Variants in ZDHHC21 observed in about 807,000 individuals in gnomAD.
ZDHHC21 encodes the protein palmitoyltransferase ZDHHC21.
In ZDHHC21, 15 loss-of-function variants were observed where a neutral mutation model predicts 34.6. The ratio of observed to expected loss-of-function variants is 0.43; its 90% CI spans 0.29 to 0.67. The LOEUF (loss-of-function observed/expected upper bound fraction) is 0.67. ZDHHC21 is among the 30% of genes least tolerant of loss of function. The probability of loss-of-function intolerance (pLI) is 0.14; values close to 1 mark genes in which losing one functional copy is unlikely to be tolerated. For synonymous variants in ZDHHC21, 142 were observed against 101.8 expected, an observed-to-expected ratio of 1.40 and a Z score of -2.38; for missense variants, 344 against 327.7, an observed-to-expected ratio of 1.05 and a Z score of -0.38.
chr9:14,616,839 G>C lies in ZDHHC21; in HGVS notation c.*2127C>G, dbSNP rs1363094873. The C allele has an allele frequency of 6.6e-6, 1 of 151,748 alleles. No individual in the cohort carries two copies. Among genetic ancestry groups the C allele is most frequent in the African/African-American group, 2.4e-5 (1 of 41,374 alleles). The allele number at this position is 151,748 out of a possible 1,614,324, so 9.4% of individuals were successfully genotyped here. ...TAGTCCAATAATTTAGGGGAACTGA[G>C]TACAGAGGGATCAGGACCAGGAAAG... On this transcript the variant is annotated 3_prime_UTR_variant, in exon 10 of 10. Transcript: ENST00000380916.
intron 8 of ZDHHC21, among the ~76,000 whole-genome samples, chr9:14,637,710 A>G (rs1828556144): frequency 6.6e-6 from 1 of 152,016 alleles, no homozygotes; most frequent in Non-Finnish European, 1.5e-5. Flanking sequence ...GCATACAAAA[A>G]TCAGTAAATC....
At chr9:14,603,103 A>G in the ZDHHC21 span, among the ~76,000 whole-genome samples, 1 of 152,078 alleles carries the variant, frequency 6.6e-6, no homozygotes, top group African/African-American at 2.4e-5. Context: ...AATATTCCAT[A>G]TTTTGAATAT....
chr9:14,653,884 C>A (rs901963408), intron 7 of ZDHHC21, among the ~76,000 whole-genome samples: 1 of 151,908 alleles, frequency 6.6e-6, no homozygotes, highest in African/African-American at 2.4e-5. Context: ...CTATTAAAAG[C>A]CAGATAAAAT....
intron 5 of ZDHHC21, among the ~76,000 whole-genome samples, chr9:14,665,960 C>A (rs1834355804): frequency 6.7e-6 from 1 of 149,320 alleles, no homozygotes; most frequent in South Asian, 2.2e-4. Flanking sequence ...AAATCACCAG[C>A]TATCATCATA....
intron 8 of ZDHHC21, among the ~76,000 whole-genome samples, chr9:14,629,129 C>A (rs559970814): frequency 1.4e-4 from 22 of 152,268 alleles, no homozygotes; most frequent in Non-Finnish European, 2.4e-4. Context: ...TCTTTCTTAA[C>A]AATTCTTTTT....
chr9:14,653,841 G>A (rs1018984151), intron 7 of ZDHHC21, among the ~76,000 whole-genome samples: 1 of 151,986 alleles, frequency 6.6e-6, no homozygotes, highest in Non-Finnish European at 1.5e-5. Context: ...TGAGGAAACA[G>A]TTCGTATGAG....
At chr9:14,643,917 C>G (rs1387829485) in intron 7 of ZDHHC21, among the ~76,000 whole-genome samples, 1 of 152,164 alleles carries the variant, frequency 6.6e-6, no homozygotes, top group Non-Finnish European at 1.5e-5. Flanking sequence ...TAATAAGTCT[C>G]AATACCTGGT....
rs145112815 is a variant in ZDHHC21, at chr9:14,640,690, A to C, written c.505-678T>G. Among the ~76,000 whole-genome samples the C allele has an allele frequency of 1.8e-3, 279 of 152,270 alleles. 5 individuals are homozygous for C. The highest frequency in any genetic ancestry group is 6.3e-3 in the African/African-American group (261 of 41,564). On this transcript the variant is annotated intron_variant, in intron 7 of 9. Coordinates refer to ENST00000380916, the MANE Select transcript of ZDHHC21 (RefSeq NM_178566.6). ...TTAGAAAGAGAGCTCAACTTTGGAA[A>C]ATTCCAAAACAATGTGATACATTTT...
At chr9:14,681,229 CTTT>C (rs781315880) in intron 2 of ZDHHC21, among the ~76,000 whole-genome samples, 8 of 152,030 alleles carry the variant, frequency 5.3e-5, no homozygotes, top group Non-Finnish European at 8.8e-5. Flanking sequence ...CTATTTTACT[CTTT>C]TTTATTTTTT....
chr9:14,611,326 G>A lies in ZDHHC21; in HGVS notation c.*7640C>T, dbSNP rs1214444258. 6.6e-6 allele frequency: 1 copy of A among 151,806 alleles called. No homozygotes were observed. The highest frequency in any genetic ancestry group is 1.9e-4 in the East Asian group (1 of 5,180). The allele number at this position is 151,806 out of a possible 1,614,324, so 9.4% of individuals were successfully genotyped here. A position where few individuals can be genotyped will look rare whatever the true frequency, so the allele number is the denominator to read the frequency against. ...TAAACAAATACATCTCAGCTACATGGTTCCCACTTGTCATTTCACCCATTT... is the reference window on the plus strand; with the variant it reads ...TAAACAAATACATCTCAGCTACATGATTCCCACTTGTCATTTCACCCATTT... On this transcript the variant is annotated 3_prime_UTR_variant, in exon 10 of 10. Transcript: ENST00000380916.
At chr9:14,692,712 G>A (rs1455439635) in intron 1 of ZDHHC21, among the ~76,000 whole-genome samples, 1 of 152,138 alleles carries the variant, frequency 6.6e-6, no homozygotes, top group Non-Finnish European at 1.5e-5. Flanking sequence ...ATCAAGAGGA[G>A]AGGAGTGAGA....
the ZDHHC21 span, among the ~76,000 whole-genome samples, chr9:14,593,352 A>G: frequency 6.6e-6 from 1 of 152,234 alleles, no homozygotes; most frequent in Non-Finnish European, 1.5e-5. Context: ...ATTTTAAGGG[A>G]CTATTATGAA....
At position 14,613,340 on chromosome 9, in the gene ZDHHC21, A is replaced by C. The variant is rs1823638008; in HGVS notation, c.*5626T>G. 6.6e-6 allele frequency: 1 copy of C among 151,942 alleles called. No homozygotes were observed. The highest frequency in any genetic ancestry group is 1.5e-5 in the Non-Finnish European group (1 of 67,880). The allele number at this position is 151,942 out of a possible 1,614,324, so 9.4% of individuals were successfully genotyped here. A position where few individuals can be genotyped will look rare whatever the true frequency, so the allele number is the denominator to read the frequency against. Reference sequence around the variant, plus strand: ...GGAATTAAAAATGTCACTCAATGCTAAAGTGAATAGCACCAGGATGTTTTA... The same window carrying C: ...GGAATTAAAAATGTCACTCAATGCTCAAGTGAATAGCACCAGGATGTTTTA... On this transcript the variant is annotated 3_prime_UTR_variant, in exon 10 of 10. Transcript: ENST00000380916.
the ZDHHC21 span, among the ~76,000 whole-genome samples, chr9:14,601,227 G>A: frequency 2.6e-5 from 4 of 152,104 alleles, no homozygotes; most frequent in African/African-American, 9.7e-5. Context: ...TACAGAATGG[G>A]AGAAATTTTT....
the ZDHHC21 span, among the ~76,000 whole-genome samples, chr9:14,604,297 T>C: frequency 6.6e-6 from 1 of 152,202 alleles, no homozygotes; most frequent in African/African-American, 2.4e-5. Flanking sequence ...GTGAATAATA[T>C]ATAAACTACA....
In ZDHHC21 at chr9:14,688,080, A is replaced by T. The variant is rs933962262; in HGVS notation, c.-176+2257T>A. On this transcript the variant is annotated intron_variant, in intron 2 of 9. Transcript: ENST00000380916. ...TGCCAATTAGGAATTCAATTTTTTA[A>T]ATATCACATAGATATTCAGTTGATT... Among the ~76,000 whole-genome samples, 16 of 150,292 alleles carry T rather than the reference A, an allele frequency of 1.1e-4. 2 individuals carry two copies. The highest frequency in any genetic ancestry group is 3.8e-4 in the African/African-American group (15 of 39,736).
chr9:14,654,485 G>T (rs1831832612), intron 7 of ZDHHC21, among the ~76,000 whole-genome samples: 1 of 151,810 alleles, frequency 6.6e-6, no homozygotes, highest in African/African-American at 2.4e-5. Context: ...TTCTAACTTA[G>T]ACATGTCAGA....
At chr9:14,602,536 T>C in the ZDHHC21 span, among the ~76,000 whole-genome samples, 1 of 151,318 alleles carries the variant, frequency 6.6e-6, no homozygotes, top group Admixed American at 6.6e-5. Context: ...GCACACACCA[T>C]ATAGTCAAAC....
chr9:14,612,260 C>A lies in ZDHHC21; in HGVS notation c.*6706G>T, dbSNP rs1020688667. ...ACTGCAAAACCATATATTGTATCTA[C>A]ATTCAAGGAGAGGTTGATTTTAGCT... On this transcript the variant is annotated 3_prime_UTR_variant, in exon 10 of 10. Coordinates refer to ENST00000380916, the MANE Select transcript of ZDHHC21 (RefSeq NM_178566.6). 4 of 151,930 alleles carry A rather than the reference C, an allele frequency of 2.6e-5. No individual in the cohort carries two copies. Among genetic ancestry groups the A allele is most frequent in the Admixed American group, 2.6e-4 (4 of 15,206 alleles). The allele number at this position is 151,930 out of a possible 1,614,324, so 9.4% of individuals were successfully genotyped here. A position where few individuals can be genotyped will look rare whatever the true frequency, so the allele number is the denominator to read the frequency against.
Sources: allele counts gnomAD v4.1 joint callset (sites outside exome capture counted in the v4.1 genomes callset), GRCh38; gene constraint gnomAD v4.1.1; transcripts MANE v1.5; gene names NCBI Gene and HGNC (gene_info 2026-07-23, HGNC 2026-07-21).